Variants in BCL11B observed in about 807,000 individuals in gnomAD.
BCL11B encodes the protein B-cell lymphoma/leukemia 11B.
A neutral mutation model predicts 49.9 loss-of-function variants in BCL11B; 8 were observed. The observed-to-expected ratio is 0.16, with a 90% CI of 0.09 to 0.29. BCL11B has a LOEUF of 0.29. Ranked by LOEUF, BCL11B falls within the 10% of genes least tolerant of loss-of-function variation. The probability of loss-of-function intolerance (pLI) is 1.00; values close to 1 mark genes in which losing one functional copy is unlikely to be tolerated. For synonymous variants in BCL11B, 739 were observed against 637.4 expected, an observed-to-expected ratio of 1.16 and a Z score of -2.40; for missense variants, 1,006 against 1,351.0, an observed-to-expected ratio of 0.74 and a Z score of 4.00.
At chr14:99,200,660 C>T (rs1326510795) in intron 3 of BCL11B, among the ~76,000 whole-genome samples, 2 of 152,252 alleles carry the variant, frequency 1.3e-5, no homozygotes, top group Non-Finnish European at 2.9e-5. Context: ...CAAATGCCAG[C>T]TCCAGGGCTG....
At chr14:99,258,124 C>A (rs1258643096) in intron 1 of BCL11B, among the ~76,000 whole-genome samples, 3 of 152,210 alleles carry the variant, frequency 2.0e-5, no homozygotes, top group Admixed American at 6.5e-5. Context: ...CCAGTTTCTC[C>A]CCAACGTAGT....
chr14:99,237,377 C>T (rs1475054948), intron 2 of BCL11B, among the ~76,000 whole-genome samples: 3 of 151,942 alleles, frequency 2.0e-5, no homozygotes, highest in South Asian at 2.1e-4. Flanking sequence ...TAAGTGAACA[C>T]GCAGGTTACC....
chr14:99,248,096 G>A lies in BCL11B; in HGVS notation c.427+9375C>T, dbSNP rs147738219. Among the ~76,000 whole-genome samples the A allele has an allele frequency of 8.5e-5, 13 of 152,204 alleles. No homozygotes were observed. In the East Asian group the frequency reaches 2.5e-3, roughly 29 times the overall value. ...AGGAGGCTGTGGTCCCAGTTTCCCA[G>A]CTGTCTGAGCAGCGAGGGGCAGATG... is the stretch of plus-strand genomic sequence containing the variant. On this transcript the variant is annotated intron_variant, in intron 2 of 3. Transcript: ENST00000357195. This position sits in a 1 kb window ranked among gnomAD's most constrained non-coding sequence, Gnocchi z 4.7.
At chr14:99,186,172 C>A (rs545190912) in intron 3 of BCL11B, among the ~76,000 whole-genome samples, 1 of 152,164 alleles carries the variant, frequency 6.6e-6, no homozygotes, top group African/African-American at 2.4e-5. Context: ...CTGACATCCT[C>A]GGGGGACCAG....
intron 2 of BCL11B, among the ~76,000 whole-genome samples, chr14:99,250,867 G>A (rs1412308363): frequency 2.4e-4 from 35 of 148,664 alleles, no homozygotes; most frequent in Admixed American, 2.0e-4. Context: ...AACCTTAAGA[G>A]AAAAAAAAAA....
intron 3 of BCL11B, among the ~76,000 whole-genome samples, chr14:99,191,340 C>T (rs924606305): frequency 6.6e-6 from 1 of 151,840 alleles, no homozygotes; most frequent in Non-Finnish European, 1.5e-5. Flanking sequence ...CAAAAGTGGG[C>T]AGCCCTGGGC....
chr14:99,259,362 A>G (rs1035423957), intron 1 of BCL11B, among the ~76,000 whole-genome samples: 2 of 152,208 alleles, frequency 1.3e-5, no homozygotes, highest in Non-Finnish European at 2.9e-5. Flanking sequence ...CTACACATAA[A>G]TCACTGTTCT....
intron 3 of BCL11B, among the ~76,000 whole-genome samples, chr14:99,177,599 G>A (rs1351923684): frequency 5.0e-5 from 6 of 119,634 alleles, no homozygotes; most frequent in Admixed American, 5.0e-4. Context: ...CAGAAGACAT[G>A]GCATGCGAGA....
At chr14:99,210,859 G>A (rs1438453750) in intron 3 of BCL11B, among the ~76,000 whole-genome samples, 1 of 152,076 alleles carries the variant, frequency 6.6e-6, no homozygotes, top group Admixed American at 6.5e-5. Context: ...CTGCACTTGG[G>A]GCCGCAGAGC....
In BCL11B at chr14:99,210,708, G is replaced by A. The variant is rs139362029; in HGVS notation, c.640+20637C>T. Among the ~76,000 whole-genome samples the A allele has an allele frequency of 4.5e-3, 682 of 152,254 alleles. 5 individuals are homozygous for A. Among genetic ancestry groups the A allele is most frequent in the African/African-American group, 0.016 (644 of 41,534 alleles). On this transcript the variant is annotated intron_variant, in intron 3 of 3. Coordinates refer to ENST00000357195, the MANE Select transcript of BCL11B (RefSeq NM_138576.4). ...AGATTGAAGGTAGGGCTTCCCACTG[G>A]GGAATAAGGATGTCCCCAAAGCCAG...
rs548407468 is a variant in BCL11B at position 99,233,818 on chromosome 14, C to A, written c.428-2261G>T. On this transcript the variant is annotated intron_variant, in intron 2 of 3. Coordinates refer to ENST00000357195, the MANE Select transcript of BCL11B (RefSeq NM_138576.4). ...CGCCCTGGACAGGTTTCCCCAGAGT[C>A]TCATTAGCAATTGTGACCTTGCTGA... Among the ~76,000 whole-genome samples the A allele has an allele frequency of 2.6e-5, 4 of 152,286 alleles. 1 individual carries two copies. The South Asian group carries it at 8.3e-4, about 32-fold the overall frequency.
intron 3 of BCL11B, among the ~76,000 whole-genome samples, chr14:99,193,057 CCT>C (rs1347754503): frequency 6.6e-6 from 1 of 152,136 alleles, no homozygotes; most frequent in African/African-American, 2.4e-5. Context: ...TCCCCAAACC[CCT>C]CTCTGTCACT....
At chr14:99,209,907 G>A (rs1595248494) in intron 3 of BCL11B, among the ~76,000 whole-genome samples, 2 of 152,194 alleles carry the variant, frequency 1.3e-5, no homozygotes, top group East Asian at 3.9e-4. Flanking sequence ...GCAACACTTA[G>A]GCCAATGCCT....
At chr14:99,178,241 T>C (rs1047674444) in intron 3 of BCL11B, among the ~76,000 whole-genome samples, 2 of 152,184 alleles carry the variant, frequency 1.3e-5, no homozygotes, top group Admixed American at 1.3e-4. Flanking sequence ...AAGACGGTGG[T>C]AGGGAGGACA....
chr14:99,224,405 C>G (rs1423461986), intron 3 of BCL11B, among the ~76,000 whole-genome samples: 3 of 152,172 alleles, frequency 2.0e-5, no homozygotes, highest in Non-Finnish European at 4.4e-5. Flanking sequence ...AGATGTCATG[C>G]CTAGGACTGA....
chr14:99,256,333 T>C (rs1356249546), intron 2 of BCL11B, among the ~76,000 whole-genome samples: 5 of 152,218 alleles, frequency 3.3e-5, no homozygotes, highest in African/African-American at 1.2e-4. Flanking sequence ...GGCAAAAGAC[T>C]GATTAAGAGC....
At chr14:99,202,889 G>A (rs1460284392) in intron 3 of BCL11B, among the ~76,000 whole-genome samples, 2 of 152,216 alleles carry the variant, frequency 1.3e-5, no homozygotes, top group African/African-American at 4.8e-5. Flanking sequence ...CAGGAAGGGA[G>A]TCAAACCAGG....
At chr14:99,251,712 T>C (rs1358952145) in intron 2 of BCL11B, among the ~76,000 whole-genome samples, 1 of 152,150 alleles carries the variant, frequency 6.6e-6, no homozygotes, top group East Asian at 1.9e-4. Context: ...AAGGCCATGG[T>C]CCCTGGGGGT....
Position 99,231,669 on chromosome 14 carries a change from G to A in BCL11B, c.428-112C>T, listed in dbSNP as rs1287290168. 16 of 1,162,432 alleles carry A rather than the reference G, an allele frequency of 1.4e-5. No homozygotes were observed. Among genetic ancestry groups the A allele is most frequent in the Non-Finnish European group, 1.8e-5 (15 of 822,974 alleles). 72.0% of individuals were successfully genotyped at this position (1,162,432 alleles called of 1,614,324 possible). On this transcript the variant is annotated intron_variant, in intron 2 of 3. Transcript: ENST00000357195. This position sits in a 1 kb window ranked among gnomAD's most constrained non-coding sequence, Gnocchi z 8.1. Reference sequence around the variant, plus strand: ...GCTCTGCTCAGGCCACCCTTCGGGGGTGGGAGGCCCCCGGGGTGCCAGGCC... The same window carrying A: ...GCTCTGCTCAGGCCACCCTTCGGGGATGGGAGGCCCCCGGGGTGCCAGGCC...
Sources: allele counts gnomAD v4.1 joint callset (sites outside exome capture counted in the v4.1 genomes callset), GRCh38; gene constraint gnomAD v4.1.1; non-coding constraint Gnocchi (gnomAD v3.1); transcripts MANE v1.5; gene names NCBI Gene and HGNC (gene_info 2026-07-23, HGNC 2026-07-21).